The following DLG2 variants were observed in gnomAD, a reference collection of about 807,000 sequenced individuals.
DLG2 encodes the protein discs large MAGUK scaffold protein 2.
DLG2 carries 45 observed loss-of-function variants against 132.5 expected under a neutral mutation model. The observed-to-expected ratio is 0.34, with a 90% CI of 0.27 to 0.44. The LOEUF (loss-of-function observed/expected upper bound fraction) is 0.44. Among genes scored for constraint, DLG2 ranks in the 20% least tolerant of loss-of-function variants. DLG2 has a pLI of 1.00. For synonymous variants in DLG2, 424 were observed against 419.6 expected (o/e 1.01, Z -0.13); for missense variants, 1,045 against 1,196.9 (o/e 0.87, Z 1.87).
chr11:84,166,429 G>A (rs922656279), intron 8 of DLG2, among the ~76,000 whole-genome samples: 1 of 145,036 alleles, frequency 6.9e-6, no homozygotes, highest in African/African-American at 2.5e-5. Flanking sequence ...CTGAACCTGG[G>A]AGGCAGAGGT....
At chr11:83,478,478 G>GTATT (rs1472944524) in intron 22 of DLG2, among the ~76,000 whole-genome samples, 1 of 151,970 alleles carries the variant, frequency 6.6e-6, no homozygotes, top group Admixed American at 6.6e-5. Flanking sequence ...TGTGCAACTA[G>GTATT]TATTTAGAGT....
At chr11:84,863,000 T>G (rs932251542) in intron 6 of DLG2, among the ~76,000 whole-genome samples, 8 of 151,998 alleles carry the variant, frequency 5.3e-5, no homozygotes, top group African/African-American at 1.9e-4. Context: ...AGTTCCGTCC[T>G]GCTTCTCTCC....
intron 19 of DLG2, among the ~76,000 whole-genome samples, chr11:83,577,808 T>C (rs1022400903): frequency 7.9e-6 from 1 of 126,946 alleles, no homozygotes; most frequent in Admixed American, 8.8e-5. Flanking sequence ...TTATATTTTA[T>C]ATATAAATAC....
At chr11:84,305,211 A>C (rs554581472) in intron 7 of DLG2, among the ~76,000 whole-genome samples, 29 of 152,218 alleles carry the variant, frequency 1.9e-4, no homozygotes, top group Non-Finnish European at 3.8e-4. Context: ...AAAAATGAAA[A>C]TATGGCAGTC....
At chr11:84,624,268 A>G (rs1033736619) in intron 6 of DLG2, among the ~76,000 whole-genome samples, 1 of 152,170 alleles carries the variant, frequency 6.6e-6, no homozygotes, top group Non-Finnish European at 1.5e-5. Flanking sequence ...AGAGGATCTG[A>G]GGCATTAGTA....
intron 7 of DLG2, among the ~76,000 whole-genome samples, chr11:84,269,444 A>T (rs1598753475): frequency 6.6e-6 from 1 of 152,130 alleles, no homozygotes; most frequent in East Asian, 1.9e-4. Context: ...TAACCTTCAA[A>T]CCTAGCTGAG....
At chr11:84,916,993 C>T (rs1341574330) in intron 6 of DLG2, among the ~76,000 whole-genome samples, 1 of 152,204 alleles carries the variant, frequency 6.6e-6, no homozygotes, top group African/African-American at 2.4e-5. Context: ...TCTAAACCAA[C>T]CCATCCCCCA....
At chr11:85,540,245 A>G (rs2075873958) in intron 3 of DLG2, among the ~76,000 whole-genome samples, 1 of 152,140 alleles carries the variant, frequency 6.6e-6, no homozygotes, top group Non-Finnish European at 1.5e-5. Context: ...GCATTTTCCA[A>G]GACCACTCTG....
At chr11:84,650,733 G>T (rs2099680504) in intron 6 of DLG2, among the ~76,000 whole-genome samples, 2 of 151,536 alleles carry the variant, frequency 1.3e-5, no homozygotes, top group African/African-American at 2.4e-5. Context: ...TGCTTCAGAG[G>T]CTCTCCCAAT....
At chr11:83,808,678 G>T (rs774283126) in intron 17 of DLG2, among the ~76,000 whole-genome samples, 1 of 152,080 alleles carries the variant, frequency 6.6e-6, no homozygotes, top group Non-Finnish European at 1.5e-5. Context: ...TTCCAAGTTT[G>T]CATTGCATGC....
At chr11:84,987,925 T>C (rs111264024) in intron 6 of DLG2, among the ~76,000 whole-genome samples, 5 of 152,154 alleles carry the variant, frequency 3.3e-5, no homozygotes, top group Non-Finnish European at 5.9e-5. Context: ...AGCTGGGACT[T>C]AATTAAACAA....
chr11:84,009,040 A>C (rs1431188655), intron 11 of DLG2, among the ~76,000 whole-genome samples: 2 of 151,828 alleles, frequency 1.3e-5, no homozygotes, highest in African/African-American at 4.8e-5. Context: ...TTCAATAAAT[A>C]TCTGTTAACA....
chr11:85,323,276 T>C (rs1343317799), intron 3 of DLG2, among the ~76,000 whole-genome samples: 1 of 152,240 alleles, frequency 6.6e-6, no homozygotes, highest in Non-Finnish European at 1.5e-5. Context: ...AAAGGATCTC[T>C]TTCCTAACTA....
chr11:85,271,485 C>A (rs562999178), intron 4 of DLG2, among the ~76,000 whole-genome samples: 2 of 152,296 alleles, frequency 1.3e-5, no homozygotes, highest in African/African-American at 4.8e-5. Flanking sequence ...ATGCCACTGT[C>A]CTCCAGACCC....
intron 6 of DLG2, among the ~76,000 whole-genome samples, chr11:84,792,708 T>C (rs1028106400): frequency 2.0e-5 from 3 of 152,126 alleles, no homozygotes; most frequent in Non-Finnish European, 4.4e-5. Flanking sequence ...TTTATTGACA[T>C]ATAGTTGCTC....
intron 6 of DLG2, among the ~76,000 whole-genome samples, chr11:84,825,331 G>T (rs1364692405): frequency 1.3e-5 from 2 of 151,786 alleles, no homozygotes; most frequent in Non-Finnish European, 2.9e-5. Flanking sequence ...CATTCCTAAG[G>T]CCCGAGCTGA....
At chr11:85,429,513 GA>G (rs1410017860) in intron 3 of DLG2, among the ~76,000 whole-genome samples, 1 of 151,896 alleles carries the variant, frequency 6.6e-6, no homozygotes, top group South Asian at 2.1e-4. Context: ...AAATCTACAA[GA>G]AAAAAACACA....
chr11:84,579,037 T>G (rs2099510150), intron 6 of DLG2, among the ~76,000 whole-genome samples: 2 of 152,190 alleles, frequency 1.3e-5, no homozygotes, highest in Admixed American at 6.5e-5. Context: ...GCCACTGCCA[T>G]TTAAGAAGTG....
chr11:84,838,515 A>T (rs2080129366), intron 6 of DLG2, among the ~76,000 whole-genome samples: 1 of 151,944 alleles, frequency 6.6e-6, no homozygotes, highest in Non-Finnish European at 1.5e-5. Context: ...CAACTGCTAC[A>T]ACCACTTGAC....
Sources: gnomAD v4.1 joint callset for allele counts (sites outside exome capture counted in the v4.1 genomes callset) on GRCh38, gnomAD v4.1.1 for gene constraint, MANE v1.5 for transcripts, NCBI Gene and HGNC (gene_info 2026-07-23, HGNC 2026-07-21) for gene names.